Variants in PSMA8 observed in about 807,000 individuals in gnomAD.
The protein encoded by PSMA8 is proteasome subunit alpha-type 8.
PSMA8 carries 18 observed loss-of-function variants against 32.4 expected under a neutral mutation model. That is an observed-to-expected ratio of 0.56 (90% CI 0.38 to 0.82). PSMA8 has a LOEUF of 0.82. Ranked by LOEUF, PSMA8 falls within the 40% of genes least tolerant of loss-of-function variation. PSMA8 has a pLI of 0.00. For missense variants in PSMA8, 298 were observed against 300.7 expected (o/e 0.99, Z 0.07); for synonymous variants, 104 against 98.1 (o/e 1.06, Z -0.36).
At position 26,178,930 on chromosome 18, in the gene PSMA8, C is replaced by G. The variant is rs1203115327; in HGVS notation, c.578C>G (p.Ala193Gly). Residue 193 changes from alanine to glycine, a missense_variant, in exon 5 of 7, where the codon GCA (alanine) becomes GGA (glycine). By Grantham distance (60) the Ala-to-Gly change is moderately conservative (BLOSUM62 0). Coordinates refer to ENST00000415576, the MANE Select transcript of PSMA8 (RefSeq NM_001025096.2). ...AGTGACAGTGAAGCTATCAAGTTAG[C>G]AATAAAAGCTTTGCTAGAAGTAAGT... Reference protein sequence around the residue: ...IASDSEAIKLAIKALLEVVQS... With the variant: ...IASDSEAIKLGIKALLEVVQS... 6.2e-7 allele frequency: 1 copy of G among 1,612,942 alleles called. No homozygotes were observed. Among genetic ancestry groups the G allele is most frequent in the South Asian group, 1.1e-5 (1 of 90,642 alleles).
rs74755400 is a variant in PSMA8, at chr18:26,146,255, A to G, written c.229+1570A>G. ...TTTAACAATCTCATTCAAGCCACAC[A>G]TGATGGTGCACATCTGTAATTGCAC... On this transcript the variant is annotated intron_variant, in intron 2 of 6. Coordinates refer to ENST00000415576, the MANE Select transcript of PSMA8 (RefSeq NM_001025096.2). 3.0e-3 allele frequency among the ~76,000 whole-genome samples: 461 copies of G among 151,154 alleles called. 2 individuals are homozygous for G. Among genetic ancestry groups the G allele is most frequent in the African/African-American group, 0.011 (435 of 41,120 alleles).
chr18:26,190,126 G>C (rs1412821649), intron 6 of PSMA8, among the ~76,000 whole-genome samples: 1 of 152,166 alleles, frequency 6.6e-6, no homozygotes, highest in Non-Finnish European at 1.5e-5. Flanking sequence ...AGAGTAGAAG[G>C]ATGGTTACTA....
At chr18:26,142,903 G>A (rs1163532462) in intron 1 of PSMA8, among the ~76,000 whole-genome samples, 1 of 152,048 alleles carries the variant, frequency 6.6e-6, no homozygotes, top group African/African-American at 2.4e-5. Flanking sequence ...TTCAACATAC[G>A]AATTTGGGGG....
intron 1 of PSMA8, among the ~76,000 whole-genome samples, chr18:26,139,884 C>G (rs957881195): frequency 1.3e-5 from 2 of 152,244 alleles, no homozygotes; most frequent in Non-Finnish European, 2.9e-5. Context: ...AGGTTTCTGT[C>G]TGTTCGTTGA....
intron 2 of PSMA8, among the ~76,000 whole-genome samples, chr18:26,147,041 G>A (rs1003690861): frequency 1.3e-5 from 2 of 151,804 alleles, no homozygotes; most frequent in Non-Finnish European, 1.5e-5. Context: ...ATCAGATCTC[G>A]TTAGAACTCT....
At chr18:26,166,208 G>A (rs1053855558) in intron 4 of PSMA8, among the ~76,000 whole-genome samples, 1 of 152,160 alleles carries the variant, frequency 6.6e-6, no homozygotes, top group African/African-American at 2.4e-5. Context: ...GGCTTTATAC[G>A]CTTAAAGGAT....
chr18:26,150,527 C>G (rs2055037666), intron 2 of PSMA8, among the ~76,000 whole-genome samples: 1 of 151,932 alleles, frequency 6.6e-6, no homozygotes, highest in Non-Finnish European at 1.5e-5. Context: ...TTTGTAGAAA[C>G]CGGGGTCTCT....
intron 6 of PSMA8, among the ~76,000 whole-genome samples, chr18:26,181,401 C>T (rs540086645): frequency 7.7e-4 from 118 of 152,284 alleles, no homozygotes; most frequent in African/African-American, 2.7e-3. Flanking sequence ...TCTCCTCAGG[C>T]CTCCTATTGC....
chr18:26,167,904 A>G (rs1473830006), intron 4 of PSMA8, among the ~76,000 whole-genome samples: 1 of 106,960 alleles, frequency 9.3e-6, no homozygotes, highest in African/African-American at 5.4e-5. Flanking sequence ...AATTGTTCTT[A>G]TTAAAGAAAT....
chr18:26,165,098 C>T (rs1330160821), intron 4 of PSMA8, among the ~76,000 whole-genome samples: 11 of 151,754 alleles, frequency 7.2e-5, no homozygotes, highest in Middle Eastern at 3.4e-3. Flanking sequence ...TTAGGAGAGA[C>T]GGGGTTTCAC....
At chr18:26,172,924 G>T (rs2055235090) in intron 4 of PSMA8, among the ~76,000 whole-genome samples, 1 of 152,154 alleles carries the variant, frequency 6.6e-6, no homozygotes, top group South Asian at 2.1e-4. Flanking sequence ...TTTTTCTGCA[G>T]AAAGACGTGA....
At chr18:26,182,510 A>T (rs535174487) in intron 6 of PSMA8, among the ~76,000 whole-genome samples, 4 of 152,216 alleles carry the variant, frequency 2.6e-5, no homozygotes, top group Admixed American at 6.5e-5. Flanking sequence ...ACACTCAAAA[A>T]AAGAAGATTC....
intron 6 of PSMA8, among the ~76,000 whole-genome samples, chr18:26,185,018 C>T (rs1334587312): frequency 7.4e-6 from 1 of 135,784 alleles, no homozygotes; most frequent in Admixed American, 8.3e-5. Context: ...AACCGGGAGA[C>T]AGAGGTTACA....
intron 6 of PSMA8, among the ~76,000 whole-genome samples, chr18:26,181,614 G>A (rs2055312125): frequency 6.6e-6 from 1 of 152,194 alleles, no homozygotes; most frequent in South Asian, 2.1e-4. Flanking sequence ...AATTGTGAAT[G>A]CAAAGGAAAA....
At chr18:26,188,911 C>T (rs2055379092) in intron 6 of PSMA8, among the ~76,000 whole-genome samples, 1 of 152,094 alleles carries the variant, frequency 6.6e-6, no homozygotes, top group African/African-American at 2.4e-5. Flanking sequence ...GAGAAAATCC[C>T]CAGGACATTG....
In PSMA8 at chr18:26,169,642, C is replaced by T. The variant is rs1451090115; in HGVS notation, c.478-9188C>T. Among the ~76,000 whole-genome samples, 4 of 129,146 alleles carry T rather than the reference C, an allele frequency of 3.1e-5. 1 individual carries two copies. Among genetic ancestry groups the T allele is most frequent in the Non-Finnish European group, 6.0e-5 (4 of 66,898 alleles). The allele number at this position is 129,146 out of a possible 152,430, so 84.7% of individuals were successfully genotyped here. A position where few individuals can be genotyped will look rare whatever the true frequency, so the allele number is the denominator to read the frequency against. On this transcript the variant is annotated intron_variant, in intron 4 of 6. Coordinates refer to ENST00000415576, the MANE Select transcript of PSMA8 (RefSeq NM_001025096.2). Reference sequence around the variant, plus strand: ...ATCGCTTGCGGTCACGAGTTCGAGACTAGCCTGACCAACATGGCGAAACCC... The same window carrying T: ...ATCGCTTGCGGTCACGAGTTCGAGATTAGCCTGACCAACATGGCGAAACCC...
In PSMA8 at chr18:26,193,282, A is replaced by G. The variant is rs2055418435; in HGVS notation, c.*871A>G. On this transcript the variant is annotated 3_prime_UTR_variant, in exon 7 of 7. Transcript: ENST00000415576. Reference sequence around the variant, plus strand: ...TGCCCACGGAAAGGATTTAATCCAAATGGTCCACAAGAGGAATGTGCTTAA... The same window carrying G: ...TGCCCACGGAAAGGATTTAATCCAAGTGGTCCACAAGAGGAATGTGCTTAA... 1 of 152,242 alleles carries G rather than the reference A, an allele frequency of 6.6e-6. No homozygotes were observed. The allele number at this position is 152,242 out of a possible 1,614,324, so 9.4% of individuals were successfully genotyped here. A position where few individuals can be genotyped will look rare whatever the true frequency, so the allele number is the denominator to read the frequency against.
Position 26,134,719 on chromosome 18 carries a change from C to T in PSMA8, c.102+652C>T, listed in dbSNP as rs138836930. 1.5e-3 allele frequency among the ~76,000 whole-genome samples: 225 copies of T among 152,272 alleles called. 3 individuals are homozygous for T. In the East Asian group the frequency reaches 0.034, roughly 23 times the overall value. On this transcript the variant is annotated intron_variant, in intron 1 of 6. Transcript: ENST00000415576. The stretch of plus-strand genomic sequence containing the variant: ...CCTGTAATCCCAGCACTTTGGAAGG[C>T]CCAGGAGGGCGGATCACCTGAGGTC...
chr18:26,137,683 A>G (rs955550831), intron 1 of PSMA8, among the ~76,000 whole-genome samples: 4 of 152,192 alleles, frequency 2.6e-5, no homozygotes, highest in African/African-American at 9.7e-5. Flanking sequence ...CATATGCTAA[A>G]CATGATGCTA....
Sources: gnomAD v4.1 joint callset for allele counts (sites outside exome capture counted in the v4.1 genomes callset) on GRCh38, gnomAD v4.1.1 for gene constraint, MANE v1.5 for transcripts, NCBI Gene and HGNC (gene_info 2026-07-23, HGNC 2026-07-21) for gene names.